Variants in L3MBTL4 observed in about 807,000 individuals in gnomAD.
L3MBTL4 encodes the protein L3MBTL histone methyl-lysine binding protein 4.
Under a neutral mutation model 84.5 loss-of-function variants are expected in L3MBTL4, and 70 were observed. The observed-to-expected ratio is 0.83, with a 90% CI of 0.68 to 1.01. L3MBTL4 has a LOEUF of 1.01. Among genes scored for constraint, L3MBTL4 ranks in the 50% least tolerant of loss-of-function variants. The pLI is 0.00. For missense variants in L3MBTL4, 715 were observed against 754.8 expected, an observed-to-expected ratio of 0.95 and a Z score of 0.62; for synonymous variants, 274 against 259.8, an observed-to-expected ratio of 1.05 and a Z score of -0.52.
intron 13 of L3MBTL4, among the ~76,000 whole-genome samples, chr18:6,145,967 G>A (rs1416941841): frequency 1.3e-5 from 2 of 152,218 alleles, no homozygotes; most frequent in Non-Finnish European, 2.9e-5. Context: ...GACAGTGAGT[G>A]GGGGACGTGG....
intron 5 of L3MBTL4, among the ~76,000 whole-genome samples, chr18:6,252,028 CA>C (rs2047943279): frequency 6.6e-6 from 1 of 152,152 alleles, no homozygotes; most frequent in Non-Finnish European, 1.5e-5. Flanking sequence ...AAAAGCAAGA[CA>C]GGCCGGGCAC....
chr18:6,269,392 G>T (rs1183378390), intron 4 of L3MBTL4, among the ~76,000 whole-genome samples: 1 of 152,142 alleles, frequency 6.6e-6, no homozygotes, highest in Non-Finnish European at 1.5e-5. Context: ...GGGAAGGAGA[G>T]TGTACAGTGA....
At chr18:5,968,697 T>TAAATAAAATA (rs34548706) in intron 17 of L3MBTL4, among the ~76,000 whole-genome samples, 10,737 of 142,030 alleles carry the variant, frequency 0.076, 491 homozygotes, top group African/African-American at 0.12. Context: ...ACCTTGTCTC[T>TAAATAAAATA]AAATAAAATA....
chr18:6,291,618 A>G (rs2049868988), intron 4 of L3MBTL4, among the ~76,000 whole-genome samples: 1 of 152,312 alleles, frequency 6.6e-6, no homozygotes, highest in South Asian at 2.1e-4. Flanking sequence ...CGCTTCAATA[A>G]ATGGTGCTGG....
At chr18:6,058,376 T>C (rs1184454611) in intron 16 of L3MBTL4, among the ~76,000 whole-genome samples, 1 of 152,204 alleles carries the variant, frequency 6.6e-6, no homozygotes, top group Non-Finnish European at 1.5e-5. Context: ...TGTTCCTCAT[T>C]GTCTGTGTCT....
At chr18:6,375,144 G>C (rs957492286) in intron 1 of L3MBTL4, among the ~76,000 whole-genome samples, 1 of 151,886 alleles carries the variant, frequency 6.6e-6, no homozygotes, top group African/African-American at 2.4e-5. Context: ...TTCCACTGGC[G>C]GCCACCTAGA....
chr18:6,241,557 T>C (rs758525444), intron 7 of L3MBTL4, 108 bp from the exon 8 acceptor site: 8 of 613,164 alleles, frequency 1.3e-5, no homozygotes, highest in East Asian at 5.8e-5. Context: ...TTACTTTTAA[T>C]GGAAAAAAAA....
At chr18:6,230,346 T>C (rs2046946090) in intron 10 of L3MBTL4, among the ~76,000 whole-genome samples, 1 of 152,126 alleles carries the variant, frequency 6.6e-6, no homozygotes, top group South Asian at 2.1e-4. Context: ...TGTTTTCTGC[T>C]CCTCTGGTAG....
At chr18:6,199,590 C>A (rs2045562808) in intron 12 of L3MBTL4, among the ~76,000 whole-genome samples, 1 of 152,140 alleles carries the variant, frequency 6.6e-6, no homozygotes, top group Non-Finnish European at 1.5e-5. Context: ...AAGCTAAGAT[C>A]CTAAGCCCTA....
At chr18:6,353,686 C>T (rs1010565056) in intron 1 of L3MBTL4, among the ~76,000 whole-genome samples, 13 of 151,914 alleles carry the variant, frequency 8.6e-5, no homozygotes, top group Middle Eastern at 3.4e-3. Context: ...ATCCCTTTTA[C>T]AATAGGTAGA....
chr18:6,219,605 G>A (rs992418273), intron 10 of L3MBTL4, among the ~76,000 whole-genome samples: 6 of 151,084 alleles, frequency 4.0e-5, no homozygotes, highest in African/African-American at 1.5e-4. Flanking sequence ...CGGCCACTCA[G>A]CCCTGGATTT....
intron 16 of L3MBTL4, among the ~76,000 whole-genome samples, chr18:5,997,624 G>A (rs955663817): frequency 1.3e-5 from 2 of 151,924 alleles, no homozygotes; most frequent in East Asian, 3.9e-4. Context: ...ACCTTGAGTT[G>A]TCCCACCTTT....
intron 5 of L3MBTL4, among the ~76,000 whole-genome samples, chr18:6,249,881 C>T (rs939846238): frequency 4.6e-5 from 7 of 152,084 alleles, no homozygotes; most frequent in Non-Finnish European, 4.4e-5. Flanking sequence ...GACTCGAGCC[C>T]AGAAGGGTGA....
At chr18:6,043,022 C>T (rs867240217) in intron 16 of L3MBTL4, among the ~76,000 whole-genome samples, 1 of 152,152 alleles carries the variant, frequency 6.6e-6, no homozygotes. Context: ...GTGAAAAGCA[C>T]CCCCATCTAT....
At chr18:6,058,357 G>A (rs1472783815) in intron 16 of L3MBTL4, among the ~76,000 whole-genome samples, 1 of 152,152 alleles carries the variant, frequency 6.6e-6, no homozygotes, top group African/African-American at 2.4e-5. Context: ...TTTAGAACAA[G>A]CCTTGAATTG....
At chr18:6,392,611 A>C (rs941246190) in intron 1 of L3MBTL4, among the ~76,000 whole-genome samples, 1 of 152,234 alleles carries the variant, frequency 6.6e-6, no homozygotes, top group Non-Finnish European at 1.5e-5. Context: ...ATGAAACTGG[A>C]TCCCTAATTC....
At chr18:6,104,642 A>C (rs962285816) in intron 14 of L3MBTL4, among the ~76,000 whole-genome samples, 3 of 152,186 alleles carry the variant, frequency 2.0e-5, no homozygotes, top group African/African-American at 7.2e-5. Flanking sequence ...TAAGTTCTAG[A>C]GATCTGCTGT....
rs546373467 is a variant in L3MBTL4, at chr18:6,166,939, TAAAG to T, written c.1096+4885_1096+4888del. Among the ~76,000 whole-genome samples the T allele has an allele frequency of 2.4e-3, 366 of 151,494 alleles. 1 individual carries two copies. The highest frequency in any genetic ancestry group is 0.02 in the Middle Eastern group (6 of 294). On this transcript the variant is annotated intron_variant, in intron 13 of 18. Coordinates refer to ENST00000317931, the MANE Select transcript of L3MBTL4 (RefSeq NM_001330559.2). ...ATTGATAGACCGCTAGCAAGACTAATAAAGAAGAAAAGAGAGAAGAATCAAATAG... is the reference window on the plus strand; with the variant it reads ...ATTGATAGACCGCTAGCAAGACTAATAAGAAAAGAGAGAAGAATCAAATAG...
chr18:6,241,141 A>C (rs769532526), intron 8 of L3MBTL4, among the ~76,000 whole-genome samples: 2 of 152,238 alleles, frequency 1.3e-5, no homozygotes, highest in African/African-American at 4.8e-5. Context: ...AGTTTTCCCA[A>C]CTTTTTCTCA....
Sources: gnomAD v4.1 joint callset for allele counts (sites outside exome capture counted in the v4.1 genomes callset) on GRCh38, gnomAD v4.1.1 for gene constraint, MANE v1.5 for transcripts, NCBI Gene and HGNC (gene_info 2026-07-23, HGNC 2026-07-21) for gene names.